The following MAPK8 variants were observed in gnomAD, a reference collection of about 807,000 sequenced individuals.
The protein encoded by MAPK8 is mitogen-activated protein kinase 8, also known as JUN N-terminal kinase.
A neutral mutation model predicts 52.9 loss-of-function variants in MAPK8; 13 were observed. The ratio of observed to expected loss-of-function variants is 0.25; its 90% confidence interval spans 0.16 to 0.39. The LOEUF (loss-of-function observed/expected upper bound fraction) is 0.39, where lower values mean the gene tolerates loss of function less well. Ranked by LOEUF, MAPK8 falls within the 10% of genes least tolerant of loss-of-function variation. MAPK8 has a pLI of 1.00. For missense variants in MAPK8, 300 were observed against 519.2 expected, an observed-to-expected ratio of 0.58 and a Z score of 4.10; for synonymous variants, 191 against 169.8, an observed-to-expected ratio of 1.12 and a Z score of -0.97.
chr10:48,319,174 G>T (rs1842761367), intron 1 of MAPK8, among the ~76,000 whole-genome samples: 1 of 152,162 alleles, frequency 6.6e-6, no homozygotes, highest in African/African-American at 2.4e-5. Flanking sequence ...GTTGTTAAAA[G>T]AAATGAAATA....
At chr10:48,339,730 TA>T (rs1418605263) in intron 1 of MAPK8, among the ~76,000 whole-genome samples, 1 of 151,908 alleles carries the variant, frequency 6.6e-6, no homozygotes, top group Non-Finnish European at 1.5e-5. Flanking sequence ...ATAACTCGAT[TA>T]AAAAGTGGCA....
chr10:48,420,704 A>G (rs1471008656), intron 6 of MAPK8, among the ~76,000 whole-genome samples: 1 of 152,140 alleles, frequency 6.6e-6, no homozygotes, highest in African/African-American at 2.4e-5. Context: ...TATATTTCCA[A>G]CCCCATGAAA....
rs945011202 is a variant in MAPK8 at position 48,306,865 on chromosome 10, C to T, written c.-50+44C>T. 4.6e-5 allele frequency: 7 copies of T among 151,986 alleles called. No individual in the cohort carries two copies. The East Asian group carries it at 1.4e-3, about 29-fold the overall frequency. The allele number at this position is 151,986 out of a possible 1,614,324, so 9.4% of individuals were successfully genotyped here. A position where few individuals can be genotyped will look rare whatever the true frequency, so the allele number is the denominator to read the frequency against. On this transcript the variant is annotated intron_variant, in intron 1 of 11. Coordinates refer to ENST00000374189, the MANE Select transcript of MAPK8 (RefSeq NM_001323329.2). ...GCAGGGCCGGGACGGCAGGCGGCCCCGTCGTGTTTATGTTATTGTGCCGCT... is the reference window on the plus strand; with the variant it reads ...GCAGGGCCGGGACGGCAGGCGGCCCTGTCGTGTTTATGTTATTGTGCCGCT...
At chr10:48,362,843 C>T (rs1388708776) in intron 1 of MAPK8, among the ~76,000 whole-genome samples, 1 of 146,112 alleles carries the variant, frequency 6.8e-6, no homozygotes. Flanking sequence ...CGGGTTCAAA[C>T]AATTCTCCTG....
chr10:48,336,922 AT>A (rs934492281), intron 1 of MAPK8, among the ~76,000 whole-genome samples: 2 of 152,176 alleles, frequency 1.3e-5, no homozygotes, highest in African/African-American at 4.8e-5. Flanking sequence ...ATTCAACAAG[AT>A]TTGTATCTCC....
intron 1 of MAPK8, among the ~76,000 whole-genome samples, chr10:48,375,994 C>T (rs896882889): frequency 1.3e-5 from 2 of 152,148 alleles, no homozygotes; most frequent in African/African-American, 4.8e-5. Flanking sequence ...AACTATACTA[C>T]AAGGCTACAG....
chr10:48,370,440 G>A (rs1848438364), intron 1 of MAPK8, among the ~76,000 whole-genome samples: 1 of 152,082 alleles, frequency 6.6e-6, no homozygotes, highest in South Asian at 2.1e-4. Flanking sequence ...CTTCAGGTTG[G>A]TACATTGAGA....
Position 48,311,790 on chromosome 10 carries a change from G to GT in MAPK8, c.-50+4972dup, listed in dbSNP as rs544043553. On this transcript the variant is annotated intron_variant, in intron 1 of 11. Coordinates refer to ENST00000374189, the MANE Select transcript of MAPK8 (RefSeq NM_001323329.2). ...TTTTCTGTGGTTTTCTAAGTCTTCT[G>GT]TTTAGCGTTTCTATGATTATAATGG... Among the ~76,000 whole-genome samples, 143 of 152,244 alleles carry GT rather than the reference G, an allele frequency of 9.4e-4. 1 individual carries two copies. Among genetic ancestry groups the GT allele is most frequent in the African/African-American group, 3.2e-3 (134 of 41,542 alleles).
intron 2 of MAPK8, among the ~76,000 whole-genome samples, chr10:48,402,775 C>G (rs1043151054): frequency 6.6e-6 from 1 of 152,160 alleles, no homozygotes; most frequent in African/African-American, 2.4e-5. Context: ...CACAGGGAGT[C>G]ATGCATAGGA....
chr10:48,372,299 A>C (rs2040375619), intron 1 of MAPK8, among the ~76,000 whole-genome samples: 2 of 152,178 alleles, frequency 1.3e-5, no homozygotes, highest in South Asian at 2.1e-4. Flanking sequence ...AATTCCAAAA[A>C]CCAGAACACC....
intron 1 of MAPK8, among the ~76,000 whole-genome samples, chr10:48,370,926 G>A (rs1292771458): frequency 6.6e-6 from 1 of 152,116 alleles, no homozygotes; most frequent in African/African-American, 2.4e-5. Context: ...GGTCTACTTA[G>A]ACGCTATGTA....
intron 1 of MAPK8, among the ~76,000 whole-genome samples, chr10:48,323,131 C>A: frequency 6.6e-6 from 1 of 151,868 alleles, no homozygotes; most frequent in South Asian, 2.1e-4. Flanking sequence ...GGGGAAATAG[C>A]CTTAGGAATA....
chr10:48,413,913 A>G (rs1310465016), intron 5 of MAPK8, among the ~76,000 whole-genome samples: 3 of 141,170 alleles, frequency 2.1e-5, no homozygotes, highest in African/African-American at 5.3e-5. Flanking sequence ...CTTTTTTGCT[A>G]TATAATTTAC....
At chr10:48,381,929 A>G (rs1470898129) in intron 1 of MAPK8, among the ~76,000 whole-genome samples, 1 of 152,154 alleles carries the variant, frequency 6.6e-6, no homozygotes, top group East Asian at 1.9e-4. Flanking sequence ...CCCAAGTATG[A>G]TTATGAAGGG....
chr10:48,331,320 T>C (rs1844122067), intron 1 of MAPK8, among the ~76,000 whole-genome samples: 1 of 152,220 alleles, frequency 6.6e-6, no homozygotes, highest in Admixed American at 6.5e-5. Context: ...CCAACCTCAT[T>C]GGATAGGGAG....
chr10:48,345,768 T>C (rs1255969314), intron 1 of MAPK8, among the ~76,000 whole-genome samples: 1 of 152,212 alleles, frequency 6.6e-6, no homozygotes, highest in Non-Finnish European at 1.5e-5. Flanking sequence ...TATTACCTTA[T>C]GTATTTCAGA....
intron 1 of MAPK8, among the ~76,000 whole-genome samples, chr10:48,326,712 A>G (rs2132209990): frequency 1.3e-5 from 2 of 152,328 alleles, no homozygotes; most frequent in Non-Finnish European, 2.9e-5. Flanking sequence ...CTGTATCTAT[A>G]TAAGCTAAAC....
At chr10:48,429,741 A>G (rs955778790) in intron 10 of MAPK8, among the ~76,000 whole-genome samples, 2 of 152,222 alleles carry the variant, frequency 1.3e-5, no homozygotes, top group African/African-American at 4.8e-5. Context: ...TACTATAGCA[A>G]ACAAACTTAT....
chr10:48,309,066 G>A (rs954624885), intron 1 of MAPK8, among the ~76,000 whole-genome samples: 4 of 152,190 alleles, frequency 2.6e-5, no homozygotes, highest in African/African-American at 9.7e-5. Context: ...TACCTAGTTA[G>A]GGTATGTCAG....
Sources: gnomAD v4.1 joint callset for allele counts (sites outside exome capture counted in the v4.1 genomes callset) on GRCh38, gnomAD v4.1.1 for gene constraint, MANE v1.5 for transcripts, NCBI Gene and HGNC (gene_info 2026-07-23, HGNC 2026-07-21) for gene names.